Variants in EPHA10 observed in about 807,000 individuals in gnomAD.
The protein encoded by EPHA10 is EPH receptor A10.
A neutral mutation model predicts 109.7 loss-of-function variants in EPHA10; 120 were observed. The observed-to-expected ratio is 1.09, with a 90% confidence interval of 0.94 to 1.27. The LOEUF (loss-of-function observed/expected upper bound fraction) is 1.27. EPHA10 is among the 50% of genes most tolerant of loss of function. The pLI is 0.00. For missense variants in EPHA10, 1,396 were observed against 1,411.1 expected (o/e 0.99, Z 0.17); for synonymous variants, 640 against 618.9 (o/e 1.03, Z -0.51).
At chr1:37,731,976 T>C (rs1645990789) in intron 6 of EPHA10, among the ~76,000 whole-genome samples, 1 of 152,226 alleles carries the variant, frequency 6.6e-6, no homozygotes, top group Non-Finnish European at 1.5e-5. Context: ...GAATGAGCCC[T>C]GACACATGAA....
At chr1:37,713,922 T>C (rs755537304), downstream of EPHA10, 3 of 152,224 alleles carry the variant, frequency 2.0e-5, no homozygotes, top group Non-Finnish European at 2.9e-5. Context: ...AAGACGTACA[T>C]GTTAACATCT....
At chr1:37,720,665 C>T in intron 12 of EPHA10, 111 bp from the exon 13 acceptor site, 1 of 1,535,414 alleles carries the variant, frequency 6.5e-7, no homozygotes, top group Non-Finnish European at 8.9e-7. Context: ...CCTGTGACCA[C>T]AGGTCAGCCC....
chr1:37,757,794 A>G (rs1363556137), intron 3 of EPHA10, among the ~76,000 whole-genome samples: 1 of 152,186 alleles, frequency 6.6e-6, no homozygotes, highest in Non-Finnish European at 1.5e-5. Flanking sequence ...CAATGAATAA[A>G]ACAGACAAGG....
chr1:37,733,819 T>C (rs1033642810), intron 6 of EPHA10, among the ~76,000 whole-genome samples: 35 of 151,836 alleles, frequency 2.3e-4, no homozygotes, highest in Non-Finnish European at 4.6e-4. Flanking sequence ...TCTCTCTCTT[T>C]CTCTCCCTTT....
chr1:37,763,699 A>G (rs143613699), intron 1 of EPHA10, among the ~76,000 whole-genome samples: 322 of 152,196 alleles, frequency 2.1e-3, no homozygotes, highest in Non-Finnish European at 3.3e-3. Flanking sequence ...TAGTGAATGT[A>G]TCAGGGGATT....
intron 5 of EPHA10, among the ~76,000 whole-genome samples, chr1:37,751,222 G>GAA (rs1296976475): frequency 9.8e-6 from 1 of 102,158 alleles, no homozygotes; most frequent in Non-Finnish European, 1.9e-5. Flanking sequence ...AAAAAAGAAA[G>GAA]AAAGAAAGAA....
chr1:37,723,953 T>C (rs1040752113), intron 8 of EPHA10, among the ~76,000 whole-genome samples: 7 of 152,250 alleles, frequency 4.6e-5, no homozygotes, highest in Non-Finnish European at 8.8e-5. Flanking sequence ...TTGGGGCCCC[T>C]AGGGGCAGGG....
intron 5 of EPHA10, among the ~76,000 whole-genome samples, chr1:37,741,718 C>CA (rs1343680116): frequency 1.3e-5 from 2 of 149,910 alleles, no homozygotes; most frequent in East Asian, 2.0e-4. Context: ...AAAAATAACT[C>CA]AAAAAAATCC....
Position 37,761,886 on chromosome 1 carries a change from C to G in EPHA10, c.369G>C (p.Lys123Asn). ...SSIPGAAGTC[K>N]ETFNVYYLET... is the part of the protein sequence containing the mutation. ...CCAGGTAGTAGACGTTGAAGGTCTC[C>G]TTGCAGGTACCCGCGGCGCCAGGGA... The change falls in exon 3 of 17, where the codon AAG becomes AAC. Residue 123 changes from lysine (K) to asparagine (N), a missense_variant. Physicochemically the swap from Lys to Asn is moderately conservative, Grantham distance 94. Transcript: ENST00000373048. The G allele has an allele frequency of 1.2e-6, 2 of 1,611,718 alleles. No homozygotes were observed. The highest frequency in any genetic ancestry group is 1.7e-6 in the Non-Finnish European group (2 of 1,178,282).
intron 6 of EPHA10, 146 bp downstream of exon 6, chr1:37,735,111 C>T (rs1232512353): frequency 5.1e-6 from 5 of 977,890 alleles, no homozygotes; most frequent in South Asian, 1.6e-5. Flanking sequence ...GAGGGGGAGA[C>T]TCGAGCCTGG....
Position 37,762,033 on chromosome 1 carries a change from G to A in EPHA10, c.222C>T (p.Tyr74=), listed in dbSNP as rs541473514. 1 of 1,612,730 alleles carries A rather than the reference G, an allele frequency of 6.2e-7. No homozygotes were observed. The highest frequency in any genetic ancestry group is 8.5e-7 in the Non-Finnish European group (1 of 1,179,194). The change falls in exon 3 of 17, where the codon TAC becomes TAT. Residue 74 remains tyrosine, a synonymous_variant. Transcript: ENST00000373048. ...TGGGCTCCAGCACATTGCACACTTG[G>A]TACGTGCGGATGGGACGGTCGTGTT... ...VDEHDRPIRT[Y]QVCNVLEPNQ... is the part of the protein sequence containing the mutation.
Position 37,731,506 on chromosome 1 carries a change from G to A in EPHA10, c.1568C>T (p.Thr523Ile). Residue 523 changes from threonine (T) to isoleucine (I), a missense_variant, in exon 7 of 17, where the codon ACC becomes ATC. Thr to Ile is a moderately conservative substitution (Grantham distance 89). Coordinates refer to ENST00000373048, the MANE Select transcript of EPHA10 (RefSeq NM_001099439.2). ...TVTVTNLKPA[T>I]RYVFQIRAAS... The stretch of plus-strand genomic sequence containing the variant: ...GGCCCGGATCTGAAAGACGTAGCGG[G>A]TAGCCGGCTTCAGGTTGGTGACGGT... 2 of 1,614,134 alleles carry A rather than the reference G, an allele frequency of 1.2e-6. No homozygotes were observed. Among genetic ancestry groups the A allele is most frequent in the East Asian group, 4.5e-5 (2 of 44,874 alleles).
rs1009068981 is a variant in EPHA10 at position 37,733,370 on chromosome 1, C to T, written c.1492-1788G>A. ...CCAAGTTGCTGGGACCACAGGCGCA[C>T]ACCACCATGCCTGGCTAATTTCTTT... On this transcript the variant is annotated intron_variant, in intron 6 of 16. Transcript: ENST00000373048. 2.6e-5 allele frequency among the ~76,000 whole-genome samples: 4 copies of T among 152,196 alleles called. No homozygotes were observed. The East Asian group carries it at 7.7e-4, about 29-fold the overall frequency.
chr1:37,761,717 T>C lies in EPHA10; in HGVS notation c.538A>G (p.Ile180Val). The change falls in exon 3 of 17, where the codon ATC (isoleucine) becomes GTC (valine). Residue 180 changes from isoleucine (I) to valine (V), a missense_variant. Transcript: ENST00000373048. ...AAACCCCGCCGGCTGAGCGGTCCGATCTCGCGCACCTCTGTGTTCAGCTTC... is the reference window on the plus strand; with the variant it reads ...AAACCCCGCCGGCTGAGCGGTCCGACCTCGCGCACCTCTGTGTTCAGCTTC... ...KMKLNTEVRE[I>V]GPLSRRGFHL... 6.2e-7 allele frequency: 1 copy of C among 1,613,598 alleles called. No individual in the cohort carries two copies.
At position 37,749,282 on chromosome 1, in the gene EPHA10, G is replaced by A. The variant is rs183855222; in HGVS notation, c.1357+3594C>T. On this transcript the variant is annotated intron_variant, in intron 5 of 16. Coordinates refer to ENST00000373048, the MANE Select transcript of EPHA10 (RefSeq NM_001099439.2). ...CACAGTGCCAAATACAGCAGCACTA[G>A]ATCAGTGGAAGCTTAGTATTTTTAT... Among the ~76,000 whole-genome samples the A allele has an allele frequency of 4.4e-3, 662 of 152,126 alleles. 4 individuals carry two copies. Among genetic ancestry groups the A allele is most frequent in the African/African-American group, 0.015 (612 of 41,498 alleles).
chr1:37,735,437 C>A, intron 5 of EPHA10, 47 bp from the exon 6 acceptor site: 1 of 1,551,100 alleles, frequency 6.4e-7, no homozygotes, highest in Non-Finnish European at 8.7e-7. Flanking sequence ...CACCTCACGG[C>A]AGGGCTGGGG....
Position 37,735,405 on chromosome 1 carries a change from C to A in EPHA10, c.1358-15G>T. 6.3e-7 allele frequency: 1 copy of A among 1,577,634 alleles called. No individual in the cohort carries two copies. Among genetic ancestry groups the A allele is most frequent in the Admixed American group, 1.8e-5 (1 of 54,212 alleles). ...CTCCCAGGGCGCTGAAAGTAAGTTACGTGGGATTCTCCACCTTGACCCACC... is the reference window on the plus strand; with the variant it reads ...CTCCCAGGGCGCTGAAAGTAAGTTAAGTGGGATTCTCCACCTTGACCCACC... On this transcript the variant is annotated splice_polypyrimidine_tract_variant and intron_variant, in intron 5 of 16. Transcript: ENST00000373048.
chr1:37,760,481 C>G, intron 3 of EPHA10: 2 of 1,049,994 alleles, frequency 1.9e-6, no homozygotes, highest in Non-Finnish European at 2.3e-6. Flanking sequence ...GGGATGTGAT[C>G]TTCGTAATCA....
chr1:37,730,087 C>T (rs1189569165), intron 7 of EPHA10, among the ~76,000 whole-genome samples: 1 of 152,126 alleles, frequency 6.6e-6, no homozygotes, highest in African/African-American at 2.4e-5. Flanking sequence ...CCAAACCTGC[C>T]CGCCTTTGTT....
Sources: allele counts gnomAD v4.1 joint callset (sites outside exome capture counted in the v4.1 genomes callset), GRCh38; gene constraint gnomAD v4.1.1; transcripts MANE v1.5; gene names NCBI Gene and HGNC (gene_info 2026-07-23, HGNC 2026-07-21).